ADGB: variants seen among roughly 807,000 people sequenced by gnomAD.
ADGB encodes the protein androglobin, also known as calpain-7-like protein.
A neutral mutation model predicts 210.5 loss-of-function variants in ADGB; 172 were observed. The ratio of observed to expected loss-of-function variants is 0.82; its 90% confidence interval spans 0.72 to 0.93. ADGB has a LOEUF of 0.93. ADGB is among the 40% of genes least tolerant of loss of function. The pLI is 0.00. For synonymous variants in ADGB, 658 were observed against 662.7 expected, an observed-to-expected ratio of 0.99 and a Z score of 0.11; for missense variants, 2,025 against 1,964.8, an observed-to-expected ratio of 1.03 and a Z score of -0.58.
chr6:146,652,017 A>G (rs1023885064), intron 3 of ADGB, among the ~76,000 whole-genome samples: 21 of 152,308 alleles, frequency 1.4e-4, no homozygotes, highest in African/African-American at 5.1e-4. Flanking sequence ...AGACCTGTTT[A>G]TTTCTGACAA....
intron 9 of ADGB, among the ~76,000 whole-genome samples, chr6:146,678,643 G>C (rs7769358): frequency 0.012 from 1,854 of 152,252 alleles, 26 homozygotes; most frequent in East Asian, 0.035. Flanking sequence ...GCATATTTAT[G>C]ACAACGGTCA....
At chr6:146,614,970 G>T (rs1328602321) in intron 1 of ADGB, among the ~76,000 whole-genome samples, 2 of 152,066 alleles carry the variant, frequency 1.3e-5, no homozygotes, top group African/African-American at 2.4e-5. Context: ...GCACGATCTC[G>T]GCTCCCTGCA....
At chr6:146,686,362 A>G (rs35449769) in intron 10 of ADGB, among the ~76,000 whole-genome samples, 1 of 152,140 alleles carries the variant, frequency 6.6e-6, no homozygotes, top group Non-Finnish European at 1.5e-5. Context: ...GAAAGGAAAT[A>G]CAATTAAAAT....
At chr6:146,809,281 A>G (rs259383) in intron 35 of ADGB, among the ~76,000 whole-genome samples, 32,785 of 152,124 alleles carry the variant, frequency 0.22, 3,789 homozygotes, top group Middle Eastern at 0.24. Flanking sequence ...TCTCGGCTCA[A>G]TGCAAACCTC....
chr6:146,733,757 G>A lies in ADGB; in HGVS notation c.2657-136G>A, dbSNP rs535208717. The A allele has an allele frequency of 6.3e-5, 60 of 945,092 alleles. No individual in the cohort carries two copies. The East Asian group carries it at 1.1e-3, about 17-fold the overall frequency. 58.5% of individuals were successfully genotyped at this position (945,092 alleles called of 1,614,324 possible). On this transcript the variant is annotated intron_variant, in intron 21 of 35. Transcript: ENST00000397944. Reference sequence around the variant, plus strand: ...ATTCTAACAAGAACCACCTAGAGCCGGCAATATTAAATATGATGCTAACTC... The same window carrying A: ...ATTCTAACAAGAACCACCTAGAGCCAGCAATATTAAATATGATGCTAACTC...
chr6:146,803,788 C>G, intron 35 of ADGB: 1 of 572,168 alleles, frequency 1.7e-6, no homozygotes, highest in South Asian at 2.3e-5. Flanking sequence ...GCCCGGCAGC[C>G]TAGAGCGTCC....
rs1358798562 is a variant in ADGB, at chr6:146,691,465, TATATATATATAA to T, written c.1486+187_1486+198del. Among the ~76,000 whole-genome samples, 55 of 14,850 alleles carry T rather than the reference TATATATATATAA, an allele frequency of 3.7e-3. 8 individuals carry two copies. The highest frequency in any genetic ancestry group is 0.025 in the African/African-American group (52 of 2,088). 9.7% of individuals were successfully genotyped at this position (14,850 alleles called of 152,430 possible). ...ATAAAAATATATATATATAAAAATATATATATATATAAATATATATATATATATATATATATT... is the reference window on the plus strand; with the variant it reads ...ATAAAAATATATATATATAAAAATATATATATATATATATATATATATATT... On this transcript the variant is annotated intron_variant, in intron 11 of 35. Coordinates refer to ENST00000397944, the MANE Select transcript of ADGB (RefSeq NM_024694.4).
chr6:146,721,767 G>A (rs1776819273), intron 17 of ADGB, among the ~76,000 whole-genome samples: 1 of 152,154 alleles, frequency 6.6e-6, no homozygotes, highest in Non-Finnish European at 1.5e-5. Context: ...GAACCCAGGA[G>A]GCGGAGGTTG....
Position 146,622,617 on chromosome 6 carries a change from G to A in ADGB, c.75-12758G>A, listed in dbSNP as rs1443485758. Among the ~76,000 whole-genome samples, 5 of 152,056 alleles carry A rather than the reference G, an allele frequency of 3.3e-5. No homozygotes were observed. The East Asian group carries it at 7.7e-4, about 23-fold the overall frequency. Reference sequence around the variant, plus strand: ...TTGCCAATTTTTAATTGGGCTGTAAGGGGTACAAACCTTTTACCAGGTATA... The same window carrying A: ...TTGCCAATTTTTAATTGGGCTGTAAAGGGTACAAACCTTTTACCAGGTATA... On this transcript the variant is annotated intron_variant, in intron 1 of 35. Coordinates refer to ENST00000397944, the MANE Select transcript of ADGB (RefSeq NM_024694.4).
At chr6:146,620,206 T>C (rs1443162937) in intron 1 of ADGB, among the ~76,000 whole-genome samples, 2 of 152,160 alleles carry the variant, frequency 1.3e-5, no homozygotes, top group African/African-American at 4.8e-5. Context: ...GATGATTCTT[T>C]GTCTTTAATT....
At chr6:146,754,825 A>G (rs1408945597) in intron 27 of ADGB, among the ~76,000 whole-genome samples, 2 of 152,002 alleles carry the variant, frequency 1.3e-5, no homozygotes, top group Admixed American at 6.6e-5. Flanking sequence ...TGAGGTTTAA[A>G]AAGAATTCTA....
At chr6:146,635,285 G>C in intron 1 of ADGB, 90 bp from the exon 2 acceptor site, 1 of 1,203,476 alleles carries the variant, frequency 8.3e-7, no homozygotes, top group Non-Finnish European at 1.1e-6. Context: ...ACTCAGCTGA[G>C]AAGACAAATT....
At position 146,784,686 on chromosome 6, in the gene ADGB, A is replaced by G. The variant is rs1304743706; in HGVS notation, c.4104A>G (p.Glu1368=). 3 of 1,551,632 alleles carry G rather than the reference A, an allele frequency of 1.9e-6. No individual in the cohort carries two copies. The South Asian group carries it at 3.6e-5, about 18-fold the overall frequency. The change falls in exon 31 of 36, where the codon GAA becomes GAG. Residue 1368 remains glutamate (E), a synonymous_variant. Transcript: ENST00000397944. The part of the protein sequence containing the change: ...KPYWILRLVT[E]HNESELFEVK... The stretch of plus-strand genomic sequence containing the variant: ...ACTGGATTTTGAGGTTGGTCACTGA[A>G]CACAATGAATCAGAATTATTTGAAG...
chr6:146,672,954 C>T (rs983024248), intron 8 of ADGB, among the ~76,000 whole-genome samples: 1 of 152,012 alleles, frequency 6.6e-6, no homozygotes, highest in African/African-American at 2.4e-5. Context: ...TGGTCTTGAA[C>T]TCCTGACCTC....
chr6:146,788,395 C>T lies in ADGB; in HGVS notation c.4322C>T (p.Thr1441Ile), dbSNP rs1316132021. 2 of 1,551,352 alleles carry T rather than the reference C, an allele frequency of 1.3e-6. No individual in the cohort carries two copies. The highest frequency in any genetic ancestry group is 2.7e-5 in the African/African-American group (2 of 73,044). The change falls in exon 33 of 36, where the codon ACA becomes ATA. Residue 1441 changes from threonine (T) to isoleucine (I), a missense_variant. Coordinates refer to ENST00000397944, the MANE Select transcript of ADGB (RefSeq NM_024694.4). Reference protein sequence around the residue: ...SQTKPKEEVETAARGVKEPNS... With the variant: ...SQTKPKEEVEIAARGVKEPNS... ...TGCACATGTCATGTTGTAGTAGAAA[C>T]AGCTGCACGTGGCGTAAAAGAACCA...
intron 25 of ADGB, among the ~76,000 whole-genome samples, chr6:146,743,625 A>C (rs557053020): frequency 6.6e-6 from 1 of 152,266 alleles, no homozygotes; most frequent in East Asian, 1.9e-4. Flanking sequence ...TTTAGAAAAA[A>C]AGTTAAGGCC....
intron 5 of ADGB, among the ~76,000 whole-genome samples, chr6:146,659,923 G>T (rs941284042): frequency 1.3e-5 from 2 of 152,140 alleles, no homozygotes; most frequent in African/African-American, 4.8e-5. Context: ...GATAAACAGA[G>T]AAAACACACA....
rs566316771 is a variant in ADGB, at chr6:146,698,261, A to G, written c.1578-2680A>G. Among the ~76,000 whole-genome samples, 4 of 152,336 alleles carry G rather than the reference A, an allele frequency of 2.6e-5. No individual in the cohort carries two copies. The East Asian group carries it at 7.7e-4, about 29-fold the overall frequency. On this transcript the variant is annotated intron_variant, in intron 12 of 35. Transcript: ENST00000397944. ...AACATGTATTTTAAGCTTCAATAAA[A>G]CTTTATTAAAATCATTGAATGGTCT...
At chr6:146,654,355 A>G (rs1775749539) in intron 4 of ADGB, 149 bp downstream of exon 4, 1 of 390,362 alleles carries the variant, frequency 2.6e-6, no homozygotes, top group Non-Finnish European at 4.7e-6. Flanking sequence ...AAAAATATAT[A>G]TGGGGGTGGG....
Sources: allele counts gnomAD v4.1 joint callset (sites outside exome capture counted in the v4.1 genomes callset), GRCh38; gene constraint gnomAD v4.1.1; transcripts MANE v1.5; gene names NCBI Gene and HGNC (gene_info 2026-07-23, HGNC 2026-07-21).